Variants in GPC6 observed in about 807,000 individuals in gnomAD.
GPC6 encodes glypican 6.
A neutral mutation model predicts 55.2 loss-of-function variants in GPC6; 14 were observed. That is an observed-to-expected ratio of 0.25 (90% CI 0.17 to 0.40). GPC6 has a LOEUF of 0.40. GPC6 is among the 10% of genes least tolerant of loss of function. GPC6 has a pLI of 1.00. For synonymous variants in GPC6, 278 were observed against 259.6 expected (o/e 1.07, Z -0.68); for missense variants, 641 against 708.5 (o/e 0.90, Z 1.08).
At chr13:93,360,661 A>T (rs12867297) in intron 1 of GPC6, among the ~76,000 whole-genome samples, 19 of 152,060 alleles carry the variant, frequency 1.2e-4, no homozygotes, top group African/African-American at 4.6e-4. Flanking sequence ...TGAATCCCCC[A>T]CCCTTACTGG....
chr13:93,724,749 A>G (rs1318492357), intron 2 of GPC6, among the ~76,000 whole-genome samples: 2 of 151,908 alleles, frequency 1.3e-5, no homozygotes, highest in African/African-American at 4.8e-5. Context: ...ACTGAGATTT[A>G]TTTACCTAAA....
chr13:93,265,956 A>G (rs1280438308), intron 1 of GPC6, among the ~76,000 whole-genome samples: 1 of 152,156 alleles, frequency 6.6e-6, no homozygotes, highest in African/African-American at 2.4e-5. Flanking sequence ...AAATCAACCA[A>G]GGTAAGAGTG....
intron 1 of GPC6, among the ~76,000 whole-genome samples, chr13:93,499,814 G>T (rs1484812520): frequency 6.6e-6 from 1 of 152,166 alleles, no homozygotes; most frequent in East Asian, 1.9e-4. Context: ...GTTTGACTGT[G>T]ACAGCCACGA....
At chr13:93,234,003 C>T (rs751152198) in intron 1 of GPC6, among the ~76,000 whole-genome samples, 1 of 152,144 alleles carries the variant, frequency 6.6e-6, no homozygotes, top group Non-Finnish European at 1.5e-5. Context: ...CACAAAGAAG[C>T]AGATTTTTAA....
intron 7 of GPC6, among the ~76,000 whole-genome samples, chr13:94,394,268 T>C (rs191269032): frequency 5.3e-5 from 8 of 152,340 alleles, no homozygotes; most frequent in African/African-American, 1.9e-4. Flanking sequence ...GCCACCCACT[T>C]GCCCAGGGCA....
intron 6 of GPC6, among the ~76,000 whole-genome samples, chr13:94,358,609 C>T (rs1043281497): frequency 2.0e-5 from 3 of 152,158 alleles, no homozygotes; most frequent in African/African-American, 7.2e-5. Flanking sequence ...TCAGATTTCC[C>T]GTGTATCAGG....
intron 3 of GPC6, among the ~76,000 whole-genome samples, chr13:94,023,335 C>T (rs1348286588): frequency 1.3e-5 from 2 of 151,262 alleles, no homozygotes; most frequent in Non-Finnish European, 2.9e-5. Context: ...ATGTTTTACA[C>T]AAACCAGTTG....
chr13:94,313,153 A>G (rs1266708235), intron 6 of GPC6, among the ~76,000 whole-genome samples: 1 of 152,236 alleles, frequency 6.6e-6, no homozygotes, highest in Non-Finnish European at 1.5e-5. Context: ...GGGCAACATC[A>G]GCAGCATGTG....
At chr13:94,047,404 C>T (rs1185960077) in intron 4 of GPC6, among the ~76,000 whole-genome samples, 1 of 151,910 alleles carries the variant, frequency 6.6e-6, no homozygotes, top group Non-Finnish European at 1.5e-5. Context: ...TCAGTGACAC[C>T]CTTTTTCTTT....
intron 4 of GPC6, among the ~76,000 whole-genome samples, chr13:94,121,227 A>G (rs982762939): frequency 1.3e-5 from 2 of 152,042 alleles, no homozygotes; most frequent in Non-Finnish European, 2.9e-5. Context: ...ACTTTCTTCC[A>G]TTGTAATGAC....
intron 3 of GPC6, among the ~76,000 whole-genome samples, chr13:94,011,690 C>T (rs1203994621): frequency 2.6e-5 from 4 of 152,148 alleles, no homozygotes; most frequent in Admixed American, 6.5e-5. Context: ...TTCCTGTTCT[C>T]CTGGCATTTG....
rs1342156898 is a variant in GPC6, at chr13:93,545,556, T to C, written c.319+135T>C. ...AAATATTTATAGCATTGTCTATTTTTAGAAAAAGCATGAGTTTTCTTGACA... is the reference window on the plus strand; with the variant it reads ...AAATATTTATAGCATTGTCTATTTTCAGAAAAAGCATGAGTTTTCTTGACA... On this transcript the variant is annotated intron_variant, in intron 2 of 8. Coordinates refer to ENST00000377047, the MANE Select transcript of GPC6 (RefSeq NM_005708.5). The C allele has an allele frequency of 3.8e-6, 3 of 791,246 alleles. No homozygotes were observed. In the Admixed American group the frequency reaches 7.2e-5, roughly 19 times the overall value. The allele number at this position is 791,246 out of a possible 1,614,324, so 49.0% of individuals were successfully genotyped here.
intron 4 of GPC6, among the ~76,000 whole-genome samples, chr13:94,158,814 C>G (rs1305305145): frequency 6.6e-6 from 1 of 152,150 alleles, no homozygotes; most frequent in Admixed American, 6.6e-5. Flanking sequence ...CTACTACAAT[C>G]TTGGGCATCT....
chr13:94,239,896 T>C (rs985638056), intron 4 of GPC6, among the ~76,000 whole-genome samples: 1 of 152,102 alleles, frequency 6.6e-6, no homozygotes, highest in African/African-American at 2.4e-5. Context: ...TGTGGGGAGA[T>C]GTGTTGTGCA....
At chr13:93,995,128 A>T (rs1462997947) in intron 3 of GPC6, among the ~76,000 whole-genome samples, 1 of 151,866 alleles carries the variant, frequency 6.6e-6, no homozygotes, top group African/African-American at 2.4e-5. Context: ...TTGTCACTGT[A>T]TAACATTTTT....
intron 2 of GPC6, among the ~76,000 whole-genome samples, chr13:93,547,237 T>G (rs1235998547): frequency 6.6e-6 from 1 of 150,808 alleles, no homozygotes; most frequent in Non-Finnish European, 1.5e-5. Flanking sequence ...TCCCAGCTAC[T>G]GGGGAGGCCA....
chr13:94,058,519 C>G (rs893499733), intron 4 of GPC6, among the ~76,000 whole-genome samples: 4 of 152,128 alleles, frequency 2.6e-5, no homozygotes. Context: ...AAGACAAGTC[C>G]CACACCATAG....
At chr13:94,241,674 C>G (rs572375486) in intron 4 of GPC6, among the ~76,000 whole-genome samples, 1 of 152,146 alleles carries the variant, frequency 6.6e-6, no homozygotes, top group Non-Finnish European at 1.5e-5. Context: ...GGCTAGGTTG[C>G]CTTGTTTCTA....
At chr13:94,332,225 T>C (rs1397567469) in intron 6 of GPC6, among the ~76,000 whole-genome samples, 2 of 152,178 alleles carry the variant, frequency 1.3e-5, no homozygotes, top group Non-Finnish European at 2.9e-5. Context: ...TTCCAATAAG[T>C]GCTTATGAGG....
Sources: allele counts gnomAD v4.1 joint callset (sites outside exome capture counted in the v4.1 genomes callset), GRCh38; gene constraint gnomAD v4.1.1; transcripts MANE v1.5; gene names NCBI Gene and HGNC (gene_info 2026-07-23, HGNC 2026-07-21).